The following POU6F2 variants were observed in gnomAD, a reference collection of about 807,000 sequenced individuals.
POU6F2 encodes the protein POU class 6 homeobox 2.
A neutral mutation model predicts 71.3 loss-of-function variants in POU6F2; 31 were observed. The ratio of observed to expected loss-of-function variants is 0.43; its 90% CI spans 0.33 to 0.59. The LOEUF (loss-of-function observed/expected upper bound fraction) is 0.59, where lower values mean the gene tolerates loss of function less well. POU6F2 is among the 20% of genes least tolerant of loss of function. POU6F2 has a pLI of 0.04. For missense variants in POU6F2, 783 were observed against 856.8 expected, an observed-to-expected ratio of 0.91 and a Z score of 1.07; for synonymous variants, 347 against 355.7, an observed-to-expected ratio of 0.98 and a Z score of 0.27.
chr7:39,028,090 A>T (rs1306892703), intron 1 of POU6F2, among the ~76,000 whole-genome samples: 1 of 151,994 alleles, frequency 6.6e-6, no homozygotes, highest in African/African-American at 2.4e-5. Context: ...CTAATTATTG[A>T]GGTTAATCAT....
chr7:39,116,848 G>C (rs529365319), intron 2 of POU6F2, among the ~76,000 whole-genome samples: 80 of 151,982 alleles, frequency 5.3e-4, no homozygotes, highest in Non-Finnish European at 1.1e-3. Flanking sequence ...CTTCCCAAGA[G>C]TAAAATTGCA....
chr7:39,435,131 T>C (rs961819320), intron 7 of POU6F2, among the ~76,000 whole-genome samples: 1 of 152,222 alleles, frequency 6.6e-6, no homozygotes, highest in Non-Finnish European at 1.5e-5. Context: ...AGATTTATAT[T>C]ATTTTGGGTA....
At chr7:39,101,355 G>A (rs551068112) in intron 2 of POU6F2, among the ~76,000 whole-genome samples, 10 of 152,098 alleles carry the variant, frequency 6.6e-5, no homozygotes, top group Admixed American at 1.3e-4. Context: ...GATCATAAGC[G>A]TGAGCCGCCA....
chr7:39,000,369 G>A (rs981192984), intron 1 of POU6F2, among the ~76,000 whole-genome samples: 1 of 152,108 alleles, frequency 6.6e-6, no homozygotes, highest in Non-Finnish European at 1.5e-5. Flanking sequence ...TACTTCTAGC[G>A]ATCACTTGGA....
chr7:39,100,272 C>T (rs1791541238), intron 2 of POU6F2, among the ~76,000 whole-genome samples: 2 of 152,202 alleles, frequency 1.3e-5, no homozygotes, highest in Non-Finnish European at 2.9e-5. Context: ...TGCCACACTT[C>T]CAAGGGTTTG....
intron 2 of POU6F2, among the ~76,000 whole-genome samples, chr7:39,179,934 G>A (rs1002484121): frequency 2.0e-5 from 3 of 152,084 alleles, no homozygotes; most frequent in Admixed American, 2.0e-4. Flanking sequence ...CTACTTCATG[G>A]GATTGTTGTA....
At chr7:39,314,040 T>C (rs564412295) in intron 4 of POU6F2, among the ~76,000 whole-genome samples, 1 of 152,328 alleles carries the variant, frequency 6.6e-6, no homozygotes, top group South Asian at 2.1e-4. Context: ...CATGAGATTC[T>C]GTGATGCTCT....
At chr7:39,431,511 A>G (rs541453513) in intron 6 of POU6F2, among the ~76,000 whole-genome samples, 1 of 152,340 alleles carries the variant, frequency 6.6e-6, no homozygotes, top group Non-Finnish European at 1.5e-5. Context: ...AGTATCACTT[A>G]CAAACCCAGC....
chr7:39,432,256 A>G (rs915869932), intron 6 of POU6F2, among the ~76,000 whole-genome samples: 2 of 152,128 alleles, frequency 1.3e-5, no homozygotes, highest in Admixed American at 6.5e-5. Context: ...TGCAGAGAAG[A>G]GCCTCCCCTG....
rs77519963 is a variant in POU6F2, at chr7:38,981,967, C to T, written c.105+3909C>T. Reference sequence around the variant, plus strand: ...ATTTTACATAGAGGTTTGTTTATACCATCCCTTGTTCCAAAAAGTATTTAA... The same window carrying T: ...ATTTTACATAGAGGTTTGTTTATACTATCCCTTGTTCCAAAAAGTATTTAA... On this transcript the variant is annotated intron_variant, in intron 1 of 9. Transcript: ENST00000518318. Among the ~76,000 whole-genome samples the T allele has an allele frequency of 7.0e-3, 1,071 of 152,082 alleles. 13 individuals are homozygous for T. The highest frequency in any genetic ancestry group is 0.024 in the African/African-American group (1,016 of 41,482).
intron 4 of POU6F2, among the ~76,000 whole-genome samples, chr7:39,327,754 G>A (rs1371037231): frequency 1.3e-5 from 2 of 151,260 alleles, no homozygotes; most frequent in African/African-American, 2.4e-5. Flanking sequence ...TTGTAAAACA[G>A]TCATGTCTGA....
chr7:39,154,883 C>A (rs1472632889), intron 2 of POU6F2, among the ~76,000 whole-genome samples: 1 of 152,134 alleles, frequency 6.6e-6, no homozygotes, highest in African/African-American at 2.4e-5. Flanking sequence ...GTAGTAATCC[C>A]ATGGCCCGGA....
intron 2 of POU6F2, among the ~76,000 whole-genome samples, chr7:39,197,348 G>A (rs2128744375): frequency 6.6e-6 from 1 of 152,368 alleles, no homozygotes; most frequent in African/African-American, 2.4e-5. Context: ...ACAATCCCTT[G>A]GGTTCGCCCA....
At chr7:39,204,652 G>T (rs1793971470) in intron 3 of POU6F2, among the ~76,000 whole-genome samples, 1 of 151,942 alleles carries the variant, frequency 6.6e-6, no homozygotes, top group South Asian at 2.1e-4. Context: ...AATGACTGGA[G>T]TGTGAAGAAA....
chr7:39,238,672 G>A (rs1277125557), intron 4 of POU6F2, among the ~76,000 whole-genome samples: 1 of 152,144 alleles, frequency 6.6e-6, no homozygotes, highest in African/African-American at 2.4e-5. Context: ...GGAGGCATCT[G>A]TTTATTGCTA....
chr7:39,426,659 C>T lies in POU6F2; in HGVS notation c.1114-6418C>T, dbSNP rs368299735. On this transcript the variant is annotated intron_variant, in intron 6 of 9. Transcript: ENST00000518318. ...CTCCTCAGCTCAAAAGCCATAGGCT[C>T]TCACCTTTTCATTCCTCAAGAATAT... 4.6e-5 allele frequency among the ~76,000 whole-genome samples: 7 copies of T among 152,124 alleles called. No homozygotes were observed. In the East Asian group the frequency reaches 1.4e-3, roughly 29 times the overall value.
chr7:39,079,266 G>C (rs1007978229), intron 1 of POU6F2, among the ~76,000 whole-genome samples: 5 of 133,552 alleles, frequency 3.7e-5, no homozygotes, highest in Admixed American at 9.3e-5. Context: ...TCAGCTCACT[G>C]CAACCTCCGC....
At chr7:39,163,797 T>C (rs1169242182) in intron 2 of POU6F2, among the ~76,000 whole-genome samples, 1 of 152,040 alleles carries the variant, frequency 6.6e-6, no homozygotes, top group Admixed American at 6.6e-5. Flanking sequence ...ATAAAGAAAA[T>C]GTGGTACAGA....
chr7:39,227,501 T>C (rs890094740), intron 4 of POU6F2, among the ~76,000 whole-genome samples: 1 of 151,890 alleles, frequency 6.6e-6, no homozygotes, highest in African/African-American at 2.4e-5. Context: ...CCTAGGCCCC[T>C]TCATGGAGTT....
Sources: gnomAD v4.1 joint callset for allele counts (sites outside exome capture counted in the v4.1 genomes callset) on GRCh38, gnomAD v4.1.1 for gene constraint, MANE v1.5 for transcripts, NCBI Gene and HGNC (gene_info 2026-07-23, HGNC 2026-07-21) for gene names.